Variants in YY1AP1 observed in about 807,000 individuals in gnomAD.
The protein encoded by YY1AP1 is YY1-associated protein 1.
In YY1AP1, 43 loss-of-function variants were observed where a neutral mutation model predicts 39.9. The observed-to-expected ratio is 1.08, with a 90% confidence interval of 0.84 to 1.39. The LOEUF is 1.39. YY1AP1 is among the 40% of genes most tolerant of loss of function. The pLI, the probability that YY1AP1 is intolerant of heterozygous loss-of-function variation, is 0.00. For synonymous variants in YY1AP1, 292 were observed against 331.3 expected (o/e 0.88, Z 1.29); for missense variants, 813 against 900.7 (o/e 0.90, Z 1.25).
intron 3 of YY1AP1, chr1:155,679,952 T>C (rs567147986): frequency 1.2e-4 from 35 of 299,570 alleles, no homozygotes; most frequent in Non-Finnish European, 1.9e-4. Flanking sequence ...CTTTGGGAGG[T>C]TGAGGCAGGA....
rs1244480986 is a variant in YY1AP1 at position 155,688,714 on chromosome 1, T to TC, written c.-208dup. 4.5e-6 allele frequency: 6 copies of TC among 1,325,640 alleles called. No homozygotes were observed. The highest frequency in any genetic ancestry group is 5.1e-6 in the Non-Finnish European group (5 of 988,822). The allele number at this position is 1,325,640 out of a possible 1,614,324, so 82.1% of individuals were successfully genotyped here. On this transcript the variant is annotated 5_prime_UTR_variant, in exon 1 of 11. Coordinates refer to ENST00000355499, the MANE Select transcript of YY1AP1 (RefSeq NM_139119.3). ...CCTCCTCTTCTCTCCTCCCCCTCCCTCCCCGCCCGCACGGCCACCAACCGC... is the reference window on the plus strand; with the variant it reads ...CCTCCTCTTCTCTCCTCCCCCTCCCTCCCCCGCCCGCACGGCCACCAACCGC...
rs759089960 is a variant in YY1AP1 at position 155,660,417 on chromosome 1, TCAGA to T, written c.1489_1492del (p.Glu498ProfsTer13). 14 of 1,614,086 alleles carry T rather than the reference TCAGA, an allele frequency of 8.7e-6. No homozygotes were observed. The highest frequency in any genetic ancestry group is 2.2e-5 in the East Asian group (1 of 44,878). ...GGCAGAAGAGAGCAAAGTCTGGGAC[TCAGA>T]CAGAGGGAAGCTTGTCCTGGCCTCA... On this transcript the variant is annotated frameshift_variant, in exon 11 of 11. Transcript: ENST00000355499. LOFTEE classifies it low-confidence loss of function (END_TRUNC).
chr1:155,683,652 T>C (rs1355857093), intron 2 of YY1AP1, among the ~76,000 whole-genome samples: 1 of 151,320 alleles, frequency 6.6e-6, no homozygotes, highest in African/African-American at 2.4e-5. Context: ...CAAGACTCCA[T>C]CTCAAAAAAA....
At chr1:155,688,455 C>T (rs1653012485) in intron 1 of YY1AP1, 1 of 1,549,332 alleles carries the variant, frequency 6.5e-7, no homozygotes, top group South Asian at 1.2e-5. Flanking sequence ...CTTCGCCCGA[C>T]TCCGGCCATG....
chr1:155,666,191 G>A (rs1311685663), intron 9 of YY1AP1, among the ~76,000 whole-genome samples: 3 of 151,632 alleles, frequency 2.0e-5, no homozygotes, highest in South Asian at 2.1e-4. Flanking sequence ...GCGCGATCTC[G>A]GCTCACTGCA....
chr1:155,682,722 A>G (rs2149069988), intron 2 of YY1AP1, among the ~76,000 whole-genome samples: 1 of 152,270 alleles, frequency 6.6e-6, no homozygotes, highest in East Asian at 1.9e-4. Flanking sequence ...AAACTATCCA[A>G]TGGAATTCCT....
At chr1:155,679,564 T>C in intron 3 of YY1AP1, 52 bp from the exon 4 acceptor site, 2 of 1,613,706 alleles carry the variant, frequency 1.2e-6, no homozygotes, top group Non-Finnish European at 8.5e-7. Context: ...TTTTGAATGT[T>C]GCTCCAGTGT....
intron 1 of YY1AP1, 46 bp from the exon 2 acceptor site, chr1:155,688,247 G>C (rs1448721620): frequency 6.2e-7 from 1 of 1,609,218 alleles, no homozygotes. Flanking sequence ...GAGGGCTAAA[G>C]GGGCAAACTG....
chr1:155,667,340 C>CAA (rs1649154361), intron 9 of YY1AP1, among the ~76,000 whole-genome samples: 1 of 151,990 alleles, frequency 6.6e-6, no homozygotes, highest in African/African-American at 2.4e-5. Context: ...CCTGTCTTCA[C>CAA]ACAAAATAAA....
chr1:155,688,368 G>A (rs780390410), intron 1 of YY1AP1, 167 bp from the exon 2 acceptor site: 6 of 1,546,824 alleles, frequency 3.9e-6, no homozygotes, highest in South Asian at 2.4e-5. Flanking sequence ...TCCTCCAGAG[G>A]GAGGGAGCTA....
At position 155,688,059 on chromosome 1, in the gene YY1AP1, C is replaced by T; in HGVS notation, c.-21+12G>A. ...CTTAGGCCCGAATGCCGGCCCAAAT[C>T]GTTCTACTCACCGTGTCGGAGGCCG... is the stretch of plus-strand genomic sequence containing the variant. On this transcript the variant is annotated intron_variant, in intron 2 of 10. Coordinates refer to ENST00000355499, the MANE Select transcript of YY1AP1 (RefSeq NM_139119.3). 6.4e-7 allele frequency: 1 copy of T among 1,562,170 alleles called. No individual in the cohort carries two copies. Among genetic ancestry groups the T allele is most frequent in the Non-Finnish European group, 8.7e-7 (1 of 1,150,558 alleles).
intron 6 of YY1AP1, 101 bp from the exon 7 acceptor site, chr1:155,672,832 T>C: frequency 1.3e-6 from 2 of 1,483,100 alleles, no homozygotes; most frequent in Non-Finnish European, 1.9e-6. Context: ...TACTACAGGA[T>C]AAAAACAGGT....
In YY1AP1 at chr1:155,688,090, G is replaced by C. The variant is rs1280109360; in HGVS notation, c.-40C>G. ...ACTCACCGTGTCGGAGGCCGAGAGC[G>C]ATGAGAGTACAGGGAAGTGAGGAAG... On this transcript the variant is annotated 5_prime_UTR_variant, in exon 2 of 11. The change creates a new upstream start codon in the 5' untranslated region. Transcript: ENST00000355499. The C allele has an allele frequency of 1.9e-6, 3 of 1,594,246 alleles. No homozygotes were observed. The highest frequency in any genetic ancestry group is 2.6e-6 in the Non-Finnish European group (3 of 1,166,834).
chr1:155,681,644 A>G lies in YY1AP1; in HGVS notation c.-20-1188T>C, dbSNP rs561162939. On this transcript the variant is annotated intron_variant, in intron 2 of 10. Transcript: ENST00000355499. ...TTCCAACAGTGTTTCATAGGACTCTATCTTTGGACCCGACCTATTCAAAAA... is the reference window on the plus strand; with the variant it reads ...TTCCAACAGTGTTTCATAGGACTCTGTCTTTGGACCCGACCTATTCAAAAA... Among the ~76,000 whole-genome samples the G allele has an allele frequency of 7.9e-5, 12 of 152,280 alleles. No homozygotes were observed. The East Asian group carries it at 1.5e-3, about 20-fold the overall frequency.
At chr1:155,683,829 C>A (rs1002154412) in intron 2 of YY1AP1, among the ~76,000 whole-genome samples, 3 of 151,994 alleles carry the variant, frequency 2.0e-5, no homozygotes, top group African/African-American at 7.2e-5. Flanking sequence ...TGGAGAAAAT[C>A]TTGGATTTGG....
At chr1:155,675,172 C>T (rs896350243) in intron 5 of YY1AP1, 76 bp from the exon 6 acceptor site, 36 of 1,334,176 alleles carry the variant, frequency 2.7e-5, no homozygotes, top group East Asian at 4.9e-5. Flanking sequence ...ATTTTTTTTT[C>T]CCCCTGGAGA....
chr1:155,661,086 G>C, intron 10 of YY1AP1, 173 bp from the exon 11 acceptor site: 1 of 1,481,812 alleles, frequency 6.7e-7, no homozygotes, highest in Middle Eastern at 1.8e-4. Flanking sequence ...ACTCTTCTCT[G>C]AATTTCCTTT....
At chr1:155,665,804 A>T (rs1648914123) in intron 9 of YY1AP1, among the ~76,000 whole-genome samples, 2 of 151,302 alleles carry the variant, frequency 1.3e-5, no homozygotes, top group South Asian at 2.1e-4. Flanking sequence ...AAAAAAAAAA[A>T]AAAAAGTAAT....
Position 155,688,075 on chromosome 1 carries a change from T to A in YY1AP1, c.-25A>T, listed in dbSNP as rs563080177. 20 of 1,582,626 alleles carry A rather than the reference T, an allele frequency of 1.3e-5. No homozygotes were observed. The South Asian group carries it at 2.3e-4, about 18-fold the overall frequency. The stretch of plus-strand genomic sequence containing the variant: ...GGCCCAAATCGTTCTACTCACCGTG[T>A]CGGAGGCCGAGAGCGATGAGAGTAC... On this transcript the variant is annotated 5_prime_UTR_variant, in exon 2 of 11. Coordinates refer to ENST00000355499, the MANE Select transcript of YY1AP1 (RefSeq NM_139119.3).
Sources: allele counts gnomAD v4.1 joint callset (sites outside exome capture counted in the v4.1 genomes callset), GRCh38; gene constraint gnomAD v4.1.1; transcripts MANE v1.5; gene names NCBI Gene and HGNC (gene_info 2026-07-23, HGNC 2026-07-21).